Variants in TEPSIN observed in about 807,000 individuals in gnomAD.
The protein encoded by TEPSIN is TEPSIN adaptor related protein complex 4 accessory protein.
In TEPSIN, 50 loss-of-function variants were observed where a neutral mutation model predicts 48.5. That is an observed-to-expected ratio of 1.03 (90% confidence interval 0.82 to 1.31). The LOEUF is 1.31. Ranked by LOEUF, TEPSIN falls within the 50% of genes most tolerant of loss-of-function variation. TEPSIN has a pLI of 0.00. For synonymous variants in TEPSIN, 392 were observed against 358.8 expected, an observed-to-expected ratio of 1.09 and a Z score of -1.05; for missense variants, 838 against 815.9, an observed-to-expected ratio of 1.03 and a Z score of -0.33.
In TEPSIN at chr17:81,236,812, G is replaced by A. The variant is rs1185477895; in HGVS notation, c.214-11C>T. Reference sequence around the variant, plus strand: ...CAGGATCTTCAGCACCTGGGGAGTGGGGCGGTCAGCAGTGCTGGGCAGGCC... The same window carrying A: ...CAGGATCTTCAGCACCTGGGGAGTGAGGCGGTCAGCAGTGCTGGGCAGGCC... On this transcript the variant is annotated splice_polypyrimidine_tract_variant and intron_variant, in intron 3 of 12. Coordinates refer to ENST00000637944, the MANE Select transcript of TEPSIN (RefSeq NM_001363764.2). 3 of 1,558,286 alleles carry A rather than the reference G, an allele frequency of 1.9e-6. No individual in the cohort carries two copies. The Admixed American group carries it at 5.8e-5, about 30-fold the overall frequency.
At chr17:81,238,910 C>G in intron 1 of TEPSIN, 76 bp downstream of exon 1, 1 of 1,387,004 alleles carries the variant, frequency 7.2e-7, no homozygotes, top group Non-Finnish European at 9.3e-7. Flanking sequence ...ATGGCTCCGG[C>G]CCGGGGCGAG....
chr17:81,231,332 C>T (rs2062601531), intron 11 of TEPSIN, 66 bp downstream of exon 11: 2 of 1,368,316 alleles, frequency 1.5e-6, no homozygotes, highest in Non-Finnish European at 1.9e-6. Flanking sequence ...CACACACGCA[C>T]ACGCACACAC....
At chr17:81,236,865 G>A (rs1327674720) in intron 3 of TEPSIN, 64 bp from the exon 4 acceptor site, 11 of 1,531,008 alleles carry the variant, frequency 7.2e-6, no homozygotes, top group African/African-American at 2.8e-5. Context: ...GGCAGGGCCC[G>A]GGGGCACCCC....
At chr17:81,229,885 C>T (rs560510790) in intron 12 of TEPSIN, 100 of 229,750 alleles carry the variant, frequency 4.4e-4, no homozygotes, top group South Asian at 1.3e-3. Flanking sequence ...GGTTCGCCTG[C>T]GGTGGTGCGA....
chr17:81,232,632 C>T (rs2062640698), intron 7 of TEPSIN, 114 bp from the exon 8 acceptor site: 2 of 1,016,318 alleles, frequency 2.0e-6, no homozygotes, highest in South Asian at 1.8e-5. Flanking sequence ...GGTCGGGGTA[C>T]ATGCTGCAGG....
At chr17:81,235,864 G>A (rs1363847385) in intron 4 of TEPSIN, among the ~76,000 whole-genome samples, 2 of 152,206 alleles carry the variant, frequency 1.3e-5, no homozygotes, top group Non-Finnish European at 2.9e-5. Context: ...TGGCCCCTGC[G>A]GAACACCTAG....
chr17:81,233,644 C>T lies in TEPSIN; in HGVS notation c.448G>A (p.Ala150Thr). ...APSQPLGTPP[A>T]TGMGSQARPH... ...GGTCCCCTCAGTCACCTACCTGTGG[C>T]AGGCGGGGTCCCCAGAGGCTGGGAG... is the stretch of plus-strand genomic sequence containing the variant. Residue 150 changes from alanine to threonine, a missense_variant, in exon 6 of 13, where the codon GCC (alanine) becomes ACC (threonine). By Grantham distance (58) the Ala-to-Thr change is moderately conservative (BLOSUM62 0). Transcript: ENST00000637944. The surrounding 1 kb of genome is among the most constrained non-coding windows in gnomAD (Gnocchi z 5.8). The T allele has an allele frequency of 1.9e-6, 3 of 1,599,074 alleles. No homozygotes were observed. The highest frequency in any genetic ancestry group is 2.6e-6 in the Non-Finnish European group (3 of 1,174,692).
intron 11 of TEPSIN, chr17:81,231,128 TAC>T (rs148556282): frequency 3.0e-3 from 1,588 of 533,554 alleles, no homozygotes; most frequent in South Asian, 5.0e-3. Context: ...TGCAGTCATG[TAC>T]ACACACACAC....
rs1246927661 is a variant in TEPSIN, at chr17:81,229,004, T to C, written c.1706A>G (p.Gln569Arg). ...ESCPDAPRAP[Q>R]TSSQRTAAKE... ...GGCTGCTGTCCTCTGGGACGATGTTTGGGGGGCGCGGGGAGCATCAGGACA... is the reference window on the plus strand; with the variant it reads ...GGCTGCTGTCCTCTGGGACGATGTTCGGGGGGCGCGGGGAGCATCAGGACA... The change falls in exon 13 of 13, where the codon CAA becomes CGA. Residue 569 changes from glutamine to arginine, a missense_variant. By Grantham distance (43) the Gln-to-Arg change is conservative. Transcript: ENST00000637944. 4 of 1,613,436 alleles carry C rather than the reference T, an allele frequency of 2.5e-6. No homozygotes were observed. The South Asian group carries it at 3.3e-5, about 13-fold the overall frequency.
rs1313681099 is a variant in TEPSIN, at chr17:81,237,436, C to A, written c.72G>T (p.Thr24=). ...CCGGACACGGGACATCATCATCGGA[C>A]GTCCCCTTCAGGAGAATCGGGAGCT... is the stretch of plus-strand genomic sequence containing the variant. ...LHRLPILLKG[T]SDDDVPCPGY... Residue 24 remains threonine (T), a synonymous_variant, in exon 2 of 13, where the codon ACG becomes ACT. Transcript: ENST00000637944. 2.5e-6 allele frequency: 4 copies of A among 1,611,112 alleles called. No homozygotes were observed. Among genetic ancestry groups the A allele is most frequent in the South Asian group, 2.2e-5 (2 of 90,526 alleles).
In TEPSIN at chr17:81,228,311, A is replaced by T. The variant is rs899406198; in HGVS notation, c.*617T>A. On this transcript the variant is annotated 3_prime_UTR_variant, in exon 13 of 13. Coordinates refer to ENST00000637944, the MANE Select transcript of TEPSIN (RefSeq NM_001363764.2). ...ACAGTAGTGTTTATTCAGAAAGCAT[A>T]AACCCCAGCGCTCTTGGAAGGTTTT... 1 of 153,426 alleles carries T rather than the reference A, an allele frequency of 6.5e-6. No homozygotes were observed. The highest frequency in any genetic ancestry group is 6.5e-5 in the Admixed American group (1 of 15,288). The allele number at this position is 153,426 out of a possible 1,614,324, so 9.5% of individuals were successfully genotyped here.
rs1282706339 is a variant in TEPSIN at position 81,236,997 on chromosome 17, C to T, written c.196G>A (p.Gly66Ser). Residue 66 changes from glycine (G) to serine (S), a missense_variant, in exon 3 of 13, where the codon GGC (glycine) becomes AGC (serine). Physicochemically the swap from Gly to Ser is moderately conservative, Grantham distance 56 (BLOSUM62 0). Transcript: ENST00000637944. ...YLLSRLHSSSGHGKLKVLKIL... is the reference protein window; with the variant it reads ...YLLSRLHSSSSHGKLKVLKIL... ...GGGCTCACCTTGAGCTTCCCGTGGCCGGAGCTGCTGTGCAGGCGGCTCAGG... is the reference window on the plus strand; with the variant it reads ...GGGCTCACCTTGAGCTTCCCGTGGCTGGAGCTGCTGTGCAGGCGGCTCAGG... 4.4e-6 allele frequency: 7 copies of T among 1,587,698 alleles called. No homozygotes were observed. Among genetic ancestry groups the T allele is most frequent in the African/African-American group, 1.3e-5 (1 of 74,568 alleles).
Position 81,237,200 on chromosome 17 carries a change from C to G in TEPSIN, c.122-129G>C, listed in dbSNP as rs993290771. On this transcript the variant is annotated intron_variant, in intron 2 of 12. Transcript: ENST00000637944. ...CTACTGGAGGCTCTGCCATCAGGAGCACCTGGGCTTCTAGGGTCCCCTGTG... is the reference window on the plus strand; with the variant it reads ...CTACTGGAGGCTCTGCCATCAGGAGGACCTGGGCTTCTAGGGTCCCCTGTG... 71 of 1,184,194 alleles carry G rather than the reference C, an allele frequency of 6.0e-5. No individual in the cohort carries two copies. The African/African-American group carries it at 1.0e-3, about 17-fold the overall frequency. The allele number at this position is 1,184,194 out of a possible 1,614,324, so 73.4% of individuals were successfully genotyped here.
intron 1 of TEPSIN, chr17:81,238,176 A>G (rs2062760546): frequency 1.0e-6 from 1 of 985,768 alleles, no homozygotes; most frequent in Non-Finnish European, 1.2e-6. Flanking sequence ...ACAACATACG[A>G]AAACGTGGAC....
Position 81,228,931 on chromosome 17 carries a change from G to A in TEPSIN, c.1779C>T (p.Ala593=). The A allele has an allele frequency of 6.2e-7, 1 of 1,613,122 alleles. No homozygotes were observed. Among genetic ancestry groups the A allele is most frequent in the Non-Finnish European group, 8.5e-7 (1 of 1,180,016 alleles). The change falls in exon 13 of 13, where the codon GCC becomes GCT. Residue 593 remains alanine (A), a synonymous_variant. Transcript: ENST00000637944. ...SEPSAFAFLN[A] ...ACTCCAGGGCCAGGCCATCGGGTCA[G>A]GCGTTCAGGAACGCGAAAGCTGACG... is the stretch of plus-strand genomic sequence containing the variant.
chr17:81,230,771 C>G lies in TEPSIN; in HGVS notation c.1099-93G>C. 2.1e-6 allele frequency: 3 copies of G among 1,417,034 alleles called. No individual in the cohort carries two copies. Among genetic ancestry groups the G allele is most frequent in the Non-Finnish European group, 2.8e-6 (3 of 1,077,590 alleles). 87.8% of individuals were successfully genotyped at this position (1,417,034 alleles called of 1,614,324 possible). On this transcript the variant is annotated intron_variant, in intron 11 of 12. Transcript: ENST00000637944. The surrounding 1 kb of genome is among the most constrained non-coding windows in gnomAD (Gnocchi z 4.2). The stretch of plus-strand genomic sequence containing the variant: ...GCCATCTCTCTCCCTCTTCTTCCTC[C>G]TCATCAATGACTGGAGTGCCAGGAG...
chr17:81,229,106 C>T lies in TEPSIN; in HGVS notation c.1604G>A (p.Arg535His), dbSNP rs766227306. Residue 535 changes from arginine to histidine, a missense_variant, in exon 13 of 13, where the codon CGC (arginine) becomes CAC (histidine). Transcript: ENST00000637944. Reference sequence around the variant, plus strand: ...CTCCATGCCAGCAAACAAGGAGTCGCGGCTCCACGCACAGCTGCTGGGGCC... The same window carrying T: ...CTCCATGCCAGCAAACAAGGAGTCGTGGCTCCACGCACAGCTGCTGGGGCC... ...KRGPSSCAWSRDSLFAGMELV... is the reference protein window; with the variant it reads ...KRGPSSCAWSHDSLFAGMELV... 19 of 1,613,472 alleles carry T rather than the reference C, an allele frequency of 1.2e-5. No individual in the cohort carries two copies. The highest frequency in any genetic ancestry group is 5.5e-5 in the South Asian group (5 of 91,068).
intron 1 of TEPSIN, chr17:81,238,731 G>A: frequency 1.6e-6 from 2 of 1,254,454 alleles, no homozygotes; most frequent in Non-Finnish European, 1.0e-6. Context: ...GCCGAGGCCT[G>A]TTCGTTCCCC....
rs75733172 is a variant in TEPSIN at position 81,234,330 on chromosome 17, C to T, written c.308-282G>A. 2,903 of 328,338 alleles carry T rather than the reference C, an allele frequency of 8.8e-3. 91 individuals carry two copies. The highest frequency in any genetic ancestry group is 0.058 in the African/African-American group (2,725 of 46,728). The allele number at this position is 328,338 out of a possible 1,614,324, so 20.3% of individuals were successfully genotyped here. On this transcript the variant is annotated intron_variant, in intron 4 of 12. Transcript: ENST00000637944. The surrounding 1 kb of genome is among the most constrained non-coding windows in gnomAD (Gnocchi z 5.4). ...CCCCTGGTGCCTGAGCGGGTGTGGC[C>T]TCCCCGAAGCCCACTCTCCCTGCCC...
Sources: gnomAD v4.1 joint callset for allele counts (sites outside exome capture counted in the v4.1 genomes callset) on GRCh38, gnomAD v4.1.1 for gene constraint, Gnocchi (gnomAD v3.1) non-coding constraint, MANE v1.5 for transcripts, NCBI Gene and HGNC (gene_info 2026-07-23, HGNC 2026-07-21) for gene names.